CDH3: variants seen among roughly 807,000 people sequenced by gnomAD.
CDH3 encodes the protein cadherin 3.
Under a neutral mutation model 82.0 loss-of-function variants are expected in CDH3, and 54 were observed. The ratio of observed to expected loss-of-function variants is 0.66; its 90% CI spans 0.53 to 0.83. The LOEUF is 0.83. Ranked by LOEUF, CDH3 falls within the 40% of genes least tolerant of loss-of-function variation. CDH3 has a pLI of 0.00. For synonymous variants in CDH3, 446 were observed against 437.9 expected, an observed-to-expected ratio of 1.02 and a Z score of -0.23; for missense variants, 1,054 against 1,084.6, an observed-to-expected ratio of 0.97 and a Z score of 0.40.
intron 1 of CDH3, among the ~76,000 whole-genome samples, chr16:68,713,724 G>A (rs1962060688): frequency 6.6e-6 from 1 of 152,036 alleles, no homozygotes; most frequent in African/African-American, 2.4e-5. Context: ...TCCCAGCCTA[G>A]GTTGACCTTA....
chr16:68,695,832 T>G lies in CDH3; in HGVS notation c.2189T>G (p.Leu730Arg). 6.2e-7 allele frequency: 1 copy of G among 1,614,044 alleles called. No individual in the cohort carries two copies. The highest frequency in any genetic ancestry group is 2.2e-5 in the East Asian group (1 of 44,874). The change falls in exon 15 of 16, where the codon CTC (leucine) becomes CGC (arginine). Residue 730 changes from leucine (L) to arginine (R), a missense_variant. Coordinates refer to ENST00000264012, the MANE Select transcript of CDH3 (RefSeq NM_001793.6). ...RGLEARPEVV[L>R]RNDVAPTIIP... ...CTGGAGGCCAGGCCGGAGGTGGTTC[T>G]CCGCAATGACGTGGCACCAACCATC...
intron 3 of CDH3, 71 bp from the exon 4 acceptor site, chr16:68,678,063 T>G: frequency 7.1e-7 from 1 of 1,415,722 alleles, no homozygotes. Context: ...TTTTAACTCT[T>G]ATAGGTGAGA....
chr16:68,709,851 C>T (rs1307639750), intron 1 of CDH3, among the ~76,000 whole-genome samples: 1 of 152,216 alleles, frequency 6.6e-6, no homozygotes, highest in East Asian at 1.9e-4. Context: ...TTATTGACTG[C>T]CCATGCTGAT....
intron 14 of CDH3, 39 bp downstream of exon 14, chr16:68,695,424 C>T (rs1377290713): frequency 3.2e-6 from 5 of 1,579,180 alleles, no homozygotes; most frequent in Non-Finnish European, 3.4e-6. Flanking sequence ...AGGTGGATGC[C>T]CCTAAGGCCA....
chr16:68,691,149 G>A (rs1486175012), intron 12 of CDH3, among the ~76,000 whole-genome samples: 3 of 151,724 alleles, frequency 2.0e-5, no homozygotes, highest in Non-Finnish European at 2.9e-5. Context: ...GGGACTACAG[G>A]CACGTGCCAT....
chr16:68,705,210 G>A (rs1961945233), downstream of CDH3, among the ~76,000 whole-genome samples: 2 of 152,148 alleles, frequency 1.3e-5, no homozygotes, highest in Admixed American at 1.3e-4. Context: ...GGGGCCGTGG[G>A]GCAGGCAGGC....
chr16:68,677,588 A>G (rs1567447301), intron 3 of CDH3, among the ~76,000 whole-genome samples: 1 of 152,130 alleles, frequency 6.6e-6, no homozygotes, highest in Non-Finnish European at 1.5e-5. Flanking sequence ...AAATACAAAA[A>G]TTAGCTGGGC....
rs563167569 is a variant in CDH3, at chr16:68,660,742, AG to A, written c.160+14994del. Among the ~76,000 whole-genome samples, 441 of 152,302 alleles carry A rather than the reference AG, an allele frequency of 2.9e-3. 4 individuals are homozygous for A. The highest frequency in any genetic ancestry group is 8.6e-3 in the African/African-American group (359 of 41,576). ...GGGAGGCCGAGGCCGGCAGATCACG[AG>A]GTCAGGAGATCGAGACTATCCTGGC... is the stretch of plus-strand genomic sequence containing the variant. On this transcript the variant is annotated intron_variant, in intron 2 of 15. Coordinates refer to ENST00000264012, the MANE Select transcript of CDH3 (RefSeq NM_001793.6).
chr16:68,677,126 T>C (rs909343554), intron 3 of CDH3, among the ~76,000 whole-genome samples: 2 of 152,208 alleles, frequency 1.3e-5, no homozygotes, highest in African/African-American at 2.4e-5. Context: ...TATATACATA[T>C]ATAAAAACAG....
At chr16:68,710,828 G>C (rs1235029969) in intron 1 of CDH3, among the ~76,000 whole-genome samples, 1 of 145,426 alleles carries the variant, frequency 6.9e-6, no homozygotes. Flanking sequence ...CTGGGCGACA[G>C]AGCGAGATTC....
intron 2 of CDH3, among the ~76,000 whole-genome samples, chr16:68,666,251 G>A (rs1960730325): frequency 6.6e-6 from 1 of 151,894 alleles, no homozygotes; most frequent in African/African-American, 2.4e-5. Context: ...CAGGTCCAGG[G>A]GGCCTGTGTA....
downstream of CDH3, among the ~76,000 whole-genome samples, chr16:68,702,861 T>C (rs1961913749): frequency 6.6e-6 from 1 of 151,122 alleles, no homozygotes; most frequent in Non-Finnish European, 1.5e-5. Context: ...CATGACTCCA[T>C]CTCAAAAAAA....
At chr16:68,673,637 G>A (rs977306594) in intron 2 of CDH3, among the ~76,000 whole-genome samples, 12 of 152,090 alleles carry the variant, frequency 7.9e-5, no homozygotes, top group Admixed American at 1.3e-4. Flanking sequence ...CAAAAAATTC[G>A]TATAGAGGCC....
chr16:68,722,870 T>C (rs1230143813), intron 2 of CDH3, among the ~76,000 whole-genome samples: 2 of 152,008 alleles, frequency 1.3e-5, no homozygotes, highest in African/African-American at 4.8e-5. Context: ...CTCGGCTCAC[T>C]GCAATCTCTG....
intron 11 of CDH3, 44 bp from the exon 12 acceptor site, chr16:68,687,468 T>C: frequency 6.6e-7 from 1 of 1,523,888 alleles, no homozygotes; most frequent in South Asian, 1.1e-5. Flanking sequence ...TGAGGCTGAC[T>C]GGGTGGGTCA....
rs561615709 is a variant in CDH3, at chr16:68,685,810, G to T, written c.1570+460G>T. On this transcript the variant is annotated intron_variant, in intron 11 of 15. Transcript: ENST00000264012. ...TGACAGAGCGAGACTATCTCAAAAA[G>T]CAACAACAACAAAAGACTGATCCTA... 2.0e-5 allele frequency among the ~76,000 whole-genome samples: 3 copies of T among 152,218 alleles called. No homozygotes were observed. The South Asian group carries it at 6.2e-4, about 32-fold the overall frequency.
chr16:68,660,585 G>GT (rs1324089265), intron 2 of CDH3, among the ~76,000 whole-genome samples: 2 of 152,120 alleles, frequency 1.3e-5, no homozygotes, highest in African/African-American at 4.8e-5. Context: ...GAGCTTATGA[G>GT]TTTTTTTCTT....
downstream of CDH3, among the ~76,000 whole-genome samples, chr16:68,702,306 A>T (rs1961907252): frequency 6.6e-6 from 1 of 152,162 alleles, no homozygotes; most frequent in Admixed American, 6.5e-5. Flanking sequence ...GATATTGGTC[A>T]TTCTAATTTT....
intron 9 of CDH3, 86 bp downstream of exon 9, chr16:68,682,573 G>A (rs1961264888): frequency 3.8e-6 from 5 of 1,317,902 alleles, no homozygotes; most frequent in Admixed American, 1.7e-5. Flanking sequence ...TGTCTACCGT[G>A]GGCTAGTCCA....
Sources: gnomAD v4.1 joint callset for allele counts (sites outside exome capture counted in the v4.1 genomes callset) on GRCh38, gnomAD v4.1.1 for gene constraint, MANE v1.5 for transcripts, NCBI Gene and HGNC (gene_info 2026-07-23, HGNC 2026-07-21) for gene names.